Variants in KIRREL3 observed in about 807,000 individuals in gnomAD.
KIRREL3 encodes kin of IRRE-like protein 3.
A neutral mutation model predicts 89.7 loss-of-function variants in KIRREL3; 36 were observed. That is an observed-to-expected ratio of 0.40 (90% CI 0.31 to 0.53). The LOEUF (loss-of-function observed/expected upper bound fraction) is 0.53. Ranked by LOEUF, KIRREL3 falls within the 20% of genes least tolerant of loss-of-function variation. The pLI is 0.49. For synonymous variants in KIRREL3, 445 were observed against 441.4 expected (o/e 1.01, Z -0.10); for missense variants, 864 against 1,056.6 (o/e 0.82, Z 2.53).
Position 126,609,113 on chromosome 11 carries a change from G to A in KIRREL3, c.56-46201C>T, listed in dbSNP as rs996367797. 8.1e-4 allele frequency among the ~76,000 whole-genome samples: 124 copies of A among 152,296 alleles called. No individual in the cohort carries two copies. The highest frequency in any genetic ancestry group is 3.0e-3 in the African/African-American group (123 of 41,566). ...TCTGCATGGAATTGTGCTGAATTGA[G>A]GAGCACTGCAGCGAGACCTGACCAC... On this transcript the variant is annotated intron_variant, in intron 1 of 16. Coordinates refer to ENST00000525144, the MANE Select transcript of KIRREL3 (RefSeq NM_032531.4). This position sits in a 1 kb window ranked among gnomAD's most constrained non-coding sequence, Gnocchi z 5.0.
Position 126,689,418 on chromosome 11 carries a change from T to C in KIRREL3, c.56-126506A>G, listed in dbSNP as rs1004458729. Among the ~76,000 whole-genome samples, 1 of 152,176 alleles carries C rather than the reference T, an allele frequency of 6.6e-6. No homozygotes were observed. On this transcript the variant is annotated intron_variant, in intron 1 of 16. Coordinates refer to ENST00000525144, the MANE Select transcript of KIRREL3 (RefSeq NM_032531.4). This position sits in a 1 kb window ranked among gnomAD's most constrained non-coding sequence, Gnocchi z 5.2. ...CTCATGATCTATCATTTAACAGCCC[T>C]GTCCAAAGTGCTTGCTGGAGATCAC... is the stretch of plus-strand genomic sequence containing the variant.
intron 1 of KIRREL3, among the ~76,000 whole-genome samples, chr11:126,667,986 A>G (rs1945740825): frequency 2.0e-5 from 3 of 152,324 alleles, no homozygotes; most frequent in South Asian, 2.1e-4. Context: ...CTGTTTGGTC[A>G]CACTGTTTAG....
intron 1 of KIRREL3, among the ~76,000 whole-genome samples, chr11:126,852,820 C>A (rs1252906570): frequency 6.6e-6 from 1 of 152,204 alleles, no homozygotes. Flanking sequence ...GATCTTTGCT[C>A]TTGGCTTCTT....
intron 1 of KIRREL3, among the ~76,000 whole-genome samples, chr11:126,737,762 T>C (rs1029100538): frequency 4.6e-5 from 7 of 152,198 alleles, no homozygotes; most frequent in Admixed American, 4.6e-4. Context: ...GTTGTATATA[T>C]TTATGGGGTA....
At chr11:126,932,316 C>T (rs1947983744) in intron 1 of KIRREL3, among the ~76,000 whole-genome samples, 1 of 152,158 alleles carries the variant, frequency 6.6e-6, no homozygotes, top group East Asian at 1.9e-4. Flanking sequence ...GCCTCACACA[C>T]ATATGAGCAT....
intron 1 of KIRREL3, among the ~76,000 whole-genome samples, chr11:126,584,274 C>T (rs890377702): frequency 3.9e-5 from 6 of 152,194 alleles, no homozygotes; most frequent in Non-Finnish European, 5.9e-5. Context: ...GGAATTAGGG[C>T]GTTGGCGTTC....
At position 126,431,228 on chromosome 11, in the gene KIRREL3, C is replaced by T; in HGVS notation, c.1696+191G>A. 9 of 1,513,206 alleles carry T rather than the reference C, an allele frequency of 5.9e-6. No individual in the cohort carries two copies. Among genetic ancestry groups the T allele is most frequent in the Non-Finnish European group, 8.0e-6 (9 of 1,125,134 alleles). The allele number at this position is 1,513,206 out of a possible 1,614,324, so 93.7% of individuals were successfully genotyped here. On this transcript the variant is annotated intron_variant, in intron 14 of 16. Transcript: ENST00000525144. This position sits in a 1 kb window ranked among gnomAD's most constrained non-coding sequence, Gnocchi z 7.1. Reference sequence around the variant, plus strand: ...GTCCAGGTCAACCTCAGCCTAGCGCCCACTCTGCCAGGCGCCATGTTGCCC... The same window carrying T: ...GTCCAGGTCAACCTCAGCCTAGCGCTCACTCTGCCAGGCGCCATGTTGCCC...
intron 1 of KIRREL3, among the ~76,000 whole-genome samples, chr11:126,893,573 T>A (rs1228472246): frequency 6.6e-6 from 1 of 152,114 alleles, no homozygotes; most frequent in Non-Finnish European, 1.5e-5. Context: ...GTCTAGAAGT[T>A]TTAGACTGTG....
intron 1 of KIRREL3, among the ~76,000 whole-genome samples, chr11:126,967,717 G>GA (rs2135201769): frequency 6.6e-6 from 1 of 152,204 alleles, no homozygotes; most frequent in South Asian, 2.1e-4. Context: ...CACAGCAAAT[G>GA]AAAATGGTAG....
rs1949570274 is a variant in KIRREL3, at chr11:126,976,136, T to C, written c.55+24319A>G. 6.6e-6 allele frequency among the ~76,000 whole-genome samples: 1 copy of C among 151,920 alleles called. No homozygotes were observed. The highest frequency in any genetic ancestry group is 2.1e-4 in the South Asian group (1 of 4,816). ...AGAGGATGCTGAGAAGCACATTATTTGTCACCATGCCACATTGTTAGCTCA... is the reference window on the plus strand; with the variant it reads ...AGAGGATGCTGAGAAGCACATTATTCGTCACCATGCCACATTGTTAGCTCA... On this transcript the variant is annotated intron_variant, in intron 1 of 16. Coordinates refer to ENST00000525144, the MANE Select transcript of KIRREL3 (RefSeq NM_032531.4). The surrounding 1 kb of genome is among the most constrained non-coding windows in gnomAD (Gnocchi z 4.2).
At position 126,771,084 on chromosome 11, in the gene KIRREL3, G is replaced by A. The variant is rs1425435949; in HGVS notation, c.56-208172C>T. On this transcript the variant is annotated intron_variant, in intron 1 of 16. Transcript: ENST00000525144. The surrounding 1 kb of genome is among the most constrained non-coding windows in gnomAD (Gnocchi z 4.4). ...CTCCTGACCTCAGGGTGATCCGCTT[G>A]CCTTGGCATCCCAAAGTCCTGGGAT... is the stretch of plus-strand genomic sequence containing the variant. Among the ~76,000 whole-genome samples, 1 of 152,164 alleles carries A rather than the reference G, an allele frequency of 6.6e-6. No homozygotes were observed. Among genetic ancestry groups the A allele is most frequent in the African/African-American group, 2.4e-5 (1 of 41,426 alleles).
chr11:126,775,773 G>C (rs984810501), intron 1 of KIRREL3, among the ~76,000 whole-genome samples: 1 of 152,212 alleles, frequency 6.6e-6, no homozygotes, highest in African/African-American at 2.4e-5. Flanking sequence ...GTGCTGTTAT[G>C]TGCATTTTAT....
chr11:126,866,398 C>A (rs778838664), intron 1 of KIRREL3, among the ~76,000 whole-genome samples: 11 of 152,190 alleles, frequency 7.2e-5, no homozygotes, highest in African/African-American at 2.2e-4. Flanking sequence ...TAAGAATTAT[C>A]TTCTCAAAAC....
rs781084260 is a variant in KIRREL3, at chr11:126,636,818, G to A, written c.56-73906C>T. On this transcript the variant is annotated intron_variant, in intron 1 of 16. Coordinates refer to ENST00000525144, the MANE Select transcript of KIRREL3 (RefSeq NM_032531.4). The surrounding 1 kb of genome is among the most constrained non-coding windows in gnomAD (Gnocchi z 4.4). ...TGATCTGGACTTGAATTTGTATCCC[G>A]GTTTAACCACTTACTCTATAGCCTT... Among the ~76,000 whole-genome samples the A allele has an allele frequency of 9.9e-5, 15 of 152,086 alleles. No individual in the cohort carries two copies. Among genetic ancestry groups the A allele is most frequent in the South Asian group, 2.1e-4 (1 of 4,828 alleles).
intron 1 of KIRREL3, among the ~76,000 whole-genome samples, chr11:126,637,672 C>A (rs1235890459): frequency 2.0e-5 from 3 of 152,178 alleles, no homozygotes; most frequent in Non-Finnish European, 4.4e-5. Flanking sequence ...CCTAAGAGAA[C>A]CTTCTCTGTC....
intron 1 of KIRREL3, among the ~76,000 whole-genome samples, chr11:126,671,290 A>G (rs1945936148): frequency 6.7e-6 from 1 of 149,656 alleles, no homozygotes; most frequent in Admixed American, 6.7e-5. Context: ...CCACTCTTGA[A>G]CTCCTGAGCT....
chr11:126,863,379 GTGTT>G (rs1421375362), intron 1 of KIRREL3, among the ~76,000 whole-genome samples: 11 of 110,924 alleles, frequency 9.9e-5, no homozygotes, highest in East Asian at 6.7e-4. Flanking sequence ...GTGCGTGTGT[GTGTT>G]TGAGTGCGTG....
In KIRREL3 at chr11:126,708,067, A is replaced by G. The variant is rs570243577; in HGVS notation, c.56-145155T>C. ...ATCCCTGAAGCAGGTGATGATCTCC[A>G]TAGGTCCCAGGGTATCCGTGCCCCG... On this transcript the variant is annotated intron_variant, in intron 1 of 16. Coordinates refer to ENST00000525144, the MANE Select transcript of KIRREL3 (RefSeq NM_032531.4). The surrounding 1 kb of genome is among the most constrained non-coding windows in gnomAD (Gnocchi z 5.7). Among the ~76,000 whole-genome samples the G allele has an allele frequency of 6.6e-6, 1 of 152,214 alleles. No individual in the cohort carries two copies. The highest frequency in any genetic ancestry group is 1.9e-4 in the East Asian group (1 of 5,182).
intron 1 of KIRREL3, among the ~76,000 whole-genome samples, chr11:126,700,734 T>G (rs1459277477): frequency 6.6e-6 from 1 of 152,112 alleles, no homozygotes; most frequent in East Asian, 1.9e-4. Context: ...ATTCAGCAGG[T>G]GAAACCTCTC....
Sources: gnomAD v4.1 joint callset for allele counts (sites outside exome capture counted in the v4.1 genomes callset) on GRCh38, gnomAD v4.1.1 for gene constraint, Gnocchi (gnomAD v3.1) non-coding constraint, MANE v1.5 for transcripts, NCBI Gene and HGNC (gene_info 2026-07-23, HGNC 2026-07-21) for gene names.